Variants in MAF observed in about 807,000 individuals in gnomAD.
MAF encodes the protein transcription factor Maf.
MAF carries 10 observed loss-of-function variants against 22.0 expected under a neutral mutation model. That is an observed-to-expected ratio of 0.45 (90% CI 0.28 to 0.77). MAF has a LOEUF of 0.77. Among genes scored for constraint, MAF ranks in the 30% least tolerant of loss-of-function variants. The probability of loss-of-function intolerance (pLI) is 0.12; values close to 1 mark genes in which losing one functional copy is unlikely to be tolerated. For synonymous variants in MAF, 337 were observed against 255.8 expected (o/e 1.32, Z -3.03); for missense variants, 544 against 548.4 (o/e 0.99, Z 0.08).
chr16:79,247,937 G>A, the MAF span, among the ~76,000 whole-genome samples: 1 of 152,084 alleles, frequency 6.6e-6, no homozygotes, highest in African/African-American at 2.4e-5. Flanking sequence ...CCTTCTAAAT[G>A]TGCTTATAAT....
the MAF span, among the ~76,000 whole-genome samples, chr16:79,262,349 C>A: frequency 6.6e-6 from 1 of 152,142 alleles, no homozygotes; most frequent in Non-Finnish European, 1.5e-5. Flanking sequence ...CAAAATAGAC[C>A]TCTGGGCTCT....
intron 1 of MAF, chr16:79,595,388 C>A (rs1057285176): frequency 1.9e-6 from 2 of 1,052,192 alleles, no homozygotes; most frequent in African/African-American, 3.3e-5. Context: ...AAAAATAAGT[C>A]TTTCAGTCAG....
At chr16:79,435,187 TAC>T in the MAF span, among the ~76,000 whole-genome samples, 21 of 152,148 alleles carry the variant, frequency 1.4e-4, no homozygotes, top group African/African-American at 5.1e-4. Context: ...CGTCCATATA[TAC>T]ACACACAGCT....
At chr16:79,479,210 C>A in the MAF span, among the ~76,000 whole-genome samples, 1 of 152,188 alleles carries the variant, frequency 6.6e-6, no homozygotes, top group Non-Finnish European at 1.5e-5. Context: ...TATATCATAT[C>A]TTAGTGCACC....
At chr16:79,511,695 G>C in the MAF span, among the ~76,000 whole-genome samples, 1 of 152,124 alleles carries the variant, frequency 6.6e-6, no homozygotes, top group African/African-American at 2.4e-5. Flanking sequence ...TCGGCATTCA[G>C]TAGCCCATTG....
At chr16:79,349,664 G>T in the MAF span, among the ~76,000 whole-genome samples, 25 of 152,146 alleles carry the variant, frequency 1.6e-4, no homozygotes, top group Non-Finnish European at 3.2e-4. Context: ...CTTCACACAT[G>T]CTGGGACTAG....
At chr16:79,583,773 A>ACAT (rs371613593), downstream of MAF, among the ~76,000 whole-genome samples, 99 of 152,296 alleles carry the variant, frequency 6.5e-4, 1 homozygote, top group African/African-American at 2.2e-3. Flanking sequence ...CGAGGTTAAA[A>ACAT]CATCATCATC....
At chr16:79,523,146 C>G in the MAF span, among the ~76,000 whole-genome samples, 3 of 152,172 alleles carry the variant, frequency 2.0e-5, no homozygotes, top group African/African-American at 7.2e-5. Flanking sequence ...TGTTTGATAG[C>G]AGATATTGTT....
chr16:79,379,501 GCA>G, the MAF span, among the ~76,000 whole-genome samples: 55,083 of 149,314 alleles, frequency 0.37, 10,405 homozygotes, highest in Non-Finnish European at 0.43. Flanking sequence ...TGGTGGAAGT[GCA>G]CACACACACA....
At chr16:79,521,767 C>T in the MAF span, among the ~76,000 whole-genome samples, 1 of 152,152 alleles carries the variant, frequency 6.6e-6, no homozygotes, top group Non-Finnish European at 1.5e-5. Flanking sequence ...CAGCTCATTT[C>T]AAACAGTTAC....
At chr16:79,565,567 T>G in the MAF span, among the ~76,000 whole-genome samples, 1 of 152,236 alleles carries the variant, frequency 6.6e-6, no homozygotes, top group Non-Finnish European at 1.5e-5. Flanking sequence ...CATGCTGTTC[T>G]TGTGATAGTG....
the MAF span, among the ~76,000 whole-genome samples, chr16:79,252,152 A>G: frequency 2.6e-5 from 4 of 152,260 alleles, no homozygotes; most frequent in African/African-American, 9.6e-5. Context: ...TCTCTTGTCA[A>G]GAGCCGAGTT....
chr16:79,292,795 T>C, the MAF span, among the ~76,000 whole-genome samples: 12 of 152,316 alleles, frequency 7.9e-5, no homozygotes, highest in South Asian at 6.2e-4. Context: ...ATGGCGATGA[T>C]AGTAACCTCT....
the MAF span, among the ~76,000 whole-genome samples, chr16:79,407,967 A>G: frequency 6.6e-6 from 1 of 150,458 alleles, no homozygotes; most frequent in African/African-American, 2.5e-5. Flanking sequence ...ATCCTAAGAG[A>G]GGAAATTCCT....
At chr16:79,240,728 G>A in the MAF span, among the ~76,000 whole-genome samples, 2 of 151,790 alleles carry the variant, frequency 1.3e-5, no homozygotes, top group Non-Finnish European at 2.9e-5. Flanking sequence ...GTGGGTCCCT[G>A]ACCCCCTTGT....
chr16:79,467,580 C>T, the MAF span, among the ~76,000 whole-genome samples: 2 of 152,148 alleles, frequency 1.3e-5, no homozygotes, highest in South Asian at 4.1e-4. Context: ...CCTTAACCTC[C>T]AAGTCAGTGG....
the MAF span, among the ~76,000 whole-genome samples, chr16:79,535,586 C>CTT: frequency 0.63 from 82,581 of 130,300 alleles, 27,249 homozygotes; most frequent in Non-Finnish European, 0.71. Flanking sequence ...ATTGCTTCTT[C>CTT]TTTTTTTTTT....
chr16:79,479,302 C>T, the MAF span, among the ~76,000 whole-genome samples: 1 of 152,216 alleles, frequency 6.6e-6, no homozygotes, highest in African/African-American at 2.4e-5. Flanking sequence ...CATGGCATAC[C>T]TATGTTCCAT....
chr16:79,469,788 G>A, the MAF span, among the ~76,000 whole-genome samples: 4 of 151,912 alleles, frequency 2.6e-5, no homozygotes, highest in African/African-American at 7.3e-5. Context: ...GTAGAGACAG[G>A]GTTTCACAGT....
Sources: allele counts gnomAD v4.1 joint callset (sites outside exome capture counted in the v4.1 genomes callset), GRCh38; gene constraint gnomAD v4.1.1; transcripts MANE v1.5; gene names NCBI Gene and HGNC (gene_info 2026-07-23, HGNC 2026-07-21).